BRD3: variants seen among roughly 807,000 people sequenced by gnomAD.
BRD3 encodes bromodomain containing 3.
A neutral mutation model predicts 66.8 loss-of-function variants in BRD3; 17 were observed. That is an observed-to-expected ratio of 0.25 (90% CI 0.17 to 0.38). The LOEUF (loss-of-function observed/expected upper bound fraction) is 0.38, where lower values mean the gene tolerates loss of function less well. Among genes scored for constraint, BRD3 ranks in the 10% least tolerant of loss-of-function variants. The pLI is 1.00. For synonymous variants in BRD3, 421 were observed against 393.2 expected, an observed-to-expected ratio of 1.07 and a Z score of -0.84; for missense variants, 713 against 956.1, an observed-to-expected ratio of 0.75 and a Z score of 3.35.
At chr9:134,050,271 C>T (rs111723742) in intron 5 of BRD3, 103 bp downstream of exon 5, 19 of 1,028,002 alleles carry the variant, frequency 1.8e-5, no homozygotes, top group African/African-American at 1.7e-4. Context: ...CAAGAGCCAG[C>T]ACTCAGGGAA....
intron 7 of BRD3, among the ~76,000 whole-genome samples, chr9:134,044,827 T>A (rs1360615102): frequency 6.6e-6 from 1 of 152,196 alleles, no homozygotes; most frequent in Non-Finnish European, 1.5e-5. Context: ...CTGCATTTTC[T>A]CCAATCCGCC....
At chr9:134,065,059 A>G (rs1171412901) in intron 1 of BRD3, among the ~76,000 whole-genome samples, 4 of 152,250 alleles carry the variant, frequency 2.6e-5, no homozygotes, top group African/African-American at 9.6e-5. Flanking sequence ...CTTTTACGGC[A>G]AGAAGCCTTG....
At chr9:134,067,301 C>A (rs1285275308) in intron 1 of BRD3, among the ~76,000 whole-genome samples, 1 of 151,594 alleles carries the variant, frequency 6.6e-6, no homozygotes, top group Admixed American at 6.6e-5. Context: ...AGCTCTGGGC[C>A]CGTAACTCTG....
chr9:134,063,942 C>G lies in BRD3; in HGVS notation c.-114+4003G>C, dbSNP rs1012919789. Among the ~76,000 whole-genome samples, 3 of 152,152 alleles carry G rather than the reference C, an allele frequency of 2.0e-5. No homozygotes were observed. In the East Asian group the frequency reaches 5.8e-4, roughly 29 times the overall value. On this transcript the variant is annotated intron_variant, in intron 1 of 11. Transcript: ENST00000303407. ...ATACCGGATTAACTTCTGACGAACT[C>G]AGTACCTTGGGGGCCTGCGGCAAGG...
chr9:134,042,678 TAC>T (rs1160276088), intron 7 of BRD3, among the ~76,000 whole-genome samples: 55 of 139,216 alleles, frequency 4.0e-4, no homozygotes, highest in South Asian at 3.0e-3. Flanking sequence ...CACATATATA[TAC>T]ACACACACAC....
Position 134,036,105 on chromosome 9 carries a change from C to G in BRD3, c.1863G>C (p.Leu621=), listed in dbSNP as rs201885398. 1.2e-6 allele frequency: 2 copies of G among 1,614,228 alleles called. No homozygotes were observed. The highest frequency in any genetic ancestry group is 1.1e-5 in the South Asian group (1 of 91,086). The change falls in exon 10 of 12, where the codon CTG becomes CTC. Residue 621 remains leucine (L), a synonymous_variant. Coordinates refer to ENST00000303407, the MANE Select transcript of BRD3 (RefSeq NM_007371.4). ...PDEIEIDFET[L]KPTTLRELER... is the part of the protein sequence containing the mutation. ...CCAGTTCCCGCAAAGTGGTGGGTTT[C>G]AGAGTCTCAAAGTCAATTTCTATCT...
In BRD3 at chr9:134,036,153, C is replaced by T. The variant is rs201595589; in HGVS notation, c.1815G>A (p.Ser605=). The change falls in exon 10 of 12, where the codon TCG becomes TCA. Residue 605 remains serine, a synonymous_variant. Coordinates refer to ENST00000303407, the MANE Select transcript of BRD3 (RefSeq NM_007371.4). ...TCTCGTCGGGGTTGGAGTCCCTGAG[C>T]GAGGGCTCCCGAGATTGGATGATGT... ...VVHIIQSREP[S]LRDSNPDEIE... 79 of 1,614,228 alleles carry T rather than the reference C, an allele frequency of 4.9e-5. No individual in the cohort carries two copies. Among genetic ancestry groups the T allele is most frequent in the Admixed American group, 1.8e-4 (11 of 60,032 alleles).
chr9:134,066,884 G>A (rs997697223), intron 1 of BRD3, among the ~76,000 whole-genome samples: 2 of 152,192 alleles, frequency 1.3e-5, no homozygotes, highest in African/African-American at 2.4e-5. Context: ...TCGAACGGAG[G>A]AACCCACACG....
At chr9:134,061,141 C>A (rs767406111) in intron 1 of BRD3, among the ~76,000 whole-genome samples, 5 of 152,238 alleles carry the variant, frequency 3.3e-5, no homozygotes, top group Admixed American at 6.5e-5. Context: ...GGGGCAGGAG[C>A]AGGCATGTCG....
At chr9:134,060,390 C>T (rs1188668904) in intron 1 of BRD3, among the ~76,000 whole-genome samples, 5 of 152,062 alleles carry the variant, frequency 3.3e-5, no homozygotes, top group East Asian at 1.9e-4. Context: ...ACCAGGAGTT[C>T]GAGACCAGCC....
intron 8 of BRD3, among the ~76,000 whole-genome samples, chr9:134,040,858 C>T (rs944534587): frequency 1.3e-5 from 2 of 152,212 alleles, no homozygotes; most frequent in African/African-American, 2.4e-5. Flanking sequence ...AATCCAGGGC[C>T]TCCCTGCAGC....
In BRD3 at chr9:134,041,852, T is replaced by A; in HGVS notation, c.1315A>T (p.Ser439Cys). Residue 439 changes from serine (S) to cysteine (C), a missense_variant, in exon 8 of 12, where the codon AGC becomes TGC. Physicochemically the swap from Ser to Cys is moderately radical, Grantham distance 112. This residue lies in a region of BRD3 where 418 missense variants were observed against 609.3 expected (regional missense o/e 0.69). Coordinates refer to ENST00000303407, the MANE Select transcript of BRD3 (RefSeq NM_007371.4). ...GAGCTCTCCTCACTGCTACGGCTGC[T>A]CTCAGCGCCCTTGCTCACCATGGGG... is the stretch of plus-strand genomic sequence containing the variant. ...AAPMVSKGAE[S>C]SRSSEESSSD... 1.2e-6 allele frequency: 2 copies of A among 1,612,992 alleles called. No individual in the cohort carries two copies. Among genetic ancestry groups the A allele is most frequent in the Non-Finnish European group, 1.7e-6 (2 of 1,179,808 alleles).
At chr9:134,049,452 G>A (rs1170136299) in intron 5 of BRD3, among the ~76,000 whole-genome samples, 6 of 152,222 alleles carry the variant, frequency 3.9e-5, no homozygotes, top group Non-Finnish European at 5.9e-5. Context: ...GGCAGGGGCC[G>A]GAGCCGGCTA....
At chr9:134,044,802 A>T (rs2132407041) in intron 7 of BRD3, among the ~76,000 whole-genome samples, 1 of 152,328 alleles carries the variant, frequency 6.6e-6, no homozygotes, top group Admixed American at 6.5e-5. Flanking sequence ...TTCCCTGAAG[A>T]CATCTCACTG....
intron 1 of BRD3, among the ~76,000 whole-genome samples, chr9:134,059,287 ACT>A (rs1191180080): frequency 6.6e-6 from 1 of 152,040 alleles, no homozygotes; most frequent in Non-Finnish European, 1.5e-5. Flanking sequence ...CTCAACACAC[ACT>A]CTGCATCCTG....
chr9:134,045,192 T>A lies in BRD3; in HGVS notation c.1215+101A>T. On this transcript the variant is annotated intron_variant, in intron 7 of 11. Transcript: ENST00000303407. This position sits in a 1 kb window ranked among gnomAD's most constrained non-coding sequence, Gnocchi z 4.8. ...TGAGGGAATGAGGCTCTCTAAGGCC[T>A]TCCTCGGCTGGACATTCACCTGGGC... The A allele has an allele frequency of 6.7e-7, 1 of 1,503,498 alleles. No homozygotes were observed. Among genetic ancestry groups the A allele is most frequent in the African/African-American group, 1.4e-5 (1 of 72,636 alleles). 93.1% of individuals were successfully genotyped at this position (1,503,498 alleles called of 1,614,324 possible). A position where few individuals can be genotyped will look rare whatever the true frequency, so the allele number is the denominator to read the frequency against.
At chr9:134,051,890 T>TGTGTGTGTGTA (rs1564555926) in intron 3 of BRD3, among the ~76,000 whole-genome samples, 181 bp from the exon 4 acceptor site, 1 of 89,876 alleles carries the variant, frequency 1.1e-5, no homozygotes, top group African/African-American at 6.3e-5. Flanking sequence ...GTTTTTTTTG[T>TGTGTGTGTGTA]TTTTTTTTTT....
At chr9:134,044,936 T>C (rs1037265642) in intron 7 of BRD3, among the ~76,000 whole-genome samples, 6 of 152,190 alleles carry the variant, frequency 3.9e-5, no homozygotes, top group African/African-American at 1.4e-4. Flanking sequence ...AGCCTCTCCT[T>C]GCCACAGAAG....
Position 134,032,840 on chromosome 9 carries a change from C to CTT in BRD3, c.*748_*749dup, listed in dbSNP as rs573215664. The stretch of plus-strand genomic sequence containing the variant: ...TGCCGAACCTTACAAAAAAAGTCTC[C>CTT]TTTTTTTTTTTTTTTAAATCTTTTC... On this transcript the variant is annotated 3_prime_UTR_variant, in exon 12 of 12. Coordinates refer to ENST00000303407, the MANE Select transcript of BRD3 (RefSeq NM_007371.4). 0.066 allele frequency: 14,177 copies of CTT among 213,618 alleles called. 499 individuals carry two copies. The highest frequency in any genetic ancestry group is 0.11 in the African/African-American group (4,148 of 36,614). 13.2% of individuals were successfully genotyped at this position (213,618 alleles called of 1,614,324 possible).
Sources: allele counts gnomAD v4.1 joint callset (sites outside exome capture counted in the v4.1 genomes callset), GRCh38; gene constraint gnomAD v4.1.1; regional missense constraint gnomAD v4.1.1; non-coding constraint Gnocchi (gnomAD v3.1); transcripts MANE v1.5; gene names NCBI Gene and HGNC (gene_info 2026-07-23, HGNC 2026-07-21).